The following SLC25A48 variants were observed in gnomAD, a reference collection of about 807,000 sequenced individuals.
SLC25A48 encodes solute carrier family 25 member 48, also known as CTC-321K16.1.
SLC25A48 carries 29 observed loss-of-function variants against 32.2 expected under a neutral mutation model. The ratio of observed to expected loss-of-function variants is 0.90; its 90% CI spans 0.67 to 1.23. The LOEUF (loss-of-function observed/expected upper bound fraction) is 1.23, where lower values mean the gene tolerates loss of function less well. Ranked by LOEUF, SLC25A48 falls within the 50% of genes most tolerant of loss-of-function variation. The probability of loss-of-function intolerance (pLI) is 0.00; values close to 1 mark genes in which losing one functional copy is unlikely to be tolerated. For synonymous variants in SLC25A48, 164 were observed against 172.3 expected, an observed-to-expected ratio of 0.95 and a Z score of 0.38; for missense variants, 399 against 422.7, an observed-to-expected ratio of 0.94 and a Z score of 0.49.
At chr5:135,787,876 G>A (rs1338067220) in intron 3 of SLC25A48, among the ~76,000 whole-genome samples, 2 of 151,744 alleles carry the variant, frequency 1.3e-5, no homozygotes, top group Non-Finnish European at 2.9e-5. Context: ...ATGTCACAAA[G>A]GGTGTACACC....
At position 135,880,270 on chromosome 5, in the gene SLC25A48, G is replaced by T. The variant is rs1173216893; in HGVS notation, c.*7+173G>T. On this transcript the variant is annotated intron_variant, in intron 7 of 7. Coordinates refer to ENST00000681962, the MANE Select transcript of SLC25A48 (RefSeq NM_001349336.2). Reference sequence around the variant, plus strand: ...CGTCACCAAACAGCAGTTCAGAAATGCCCACCAGTGACTGGTGGTGTGCTG... The same window carrying T: ...CGTCACCAAACAGCAGTTCAGAAATTCCCACCAGTGACTGGTGGTGTGCTG... The T allele has an allele frequency of 3.2e-6, 3 of 948,876 alleles. No homozygotes were observed. The East Asian group carries it at 8.0e-5, about 25-fold the overall frequency. The allele number at this position is 948,876 out of a possible 1,614,324, so 58.8% of individuals were successfully genotyped here. A position where few individuals can be genotyped will look rare whatever the true frequency, so the allele number is the denominator to read the frequency against.
At chr5:135,628,520 G>C (rs1752488651) in intron 1 of SLC25A48, among the ~76,000 whole-genome samples, 3 of 152,136 alleles carry the variant, frequency 2.0e-5, no homozygotes, top group Non-Finnish European at 4.4e-5. Context: ...TCAAGTTTGG[G>C]TTCCAGAGGT....
At chr5:135,800,225 G>A (rs1285282450) in intron 3 of SLC25A48, among the ~76,000 whole-genome samples, 2 of 151,618 alleles carry the variant, frequency 1.3e-5, no homozygotes, top group South Asian at 2.1e-4. Flanking sequence ...AGTACACCCC[G>A]CCCAGTGATA....
At chr5:135,827,098 T>C (rs1758079453) in intron 4 of SLC25A48, 1 of 152,262 alleles carries the variant, frequency 6.6e-6, no homozygotes, top group Non-Finnish European at 1.5e-5. Context: ...ACTGGGATTT[T>C]GAGAGTATAT....
At chr5:135,766,822 G>A (rs1180451876) in intron 3 of SLC25A48, among the ~76,000 whole-genome samples, 1 of 151,208 alleles carries the variant, frequency 6.6e-6, no homozygotes, top group Non-Finnish European at 1.5e-5. Context: ...TGCCGAAAGT[G>A]TACACCATCT....
intron 2 of SLC25A48, among the ~76,000 whole-genome samples, chr5:135,630,738 A>G (rs1752541315): frequency 6.6e-6 from 1 of 151,544 alleles, no homozygotes; most frequent in Non-Finnish European, 1.5e-5. Flanking sequence ...AGTAGCTGGG[A>G]TTACAGGTGC....
chr5:135,755,746 G>T (rs1217724717), intron 3 of SLC25A48, among the ~76,000 whole-genome samples: 1 of 150,684 alleles, frequency 6.6e-6, no homozygotes, highest in African/African-American at 2.4e-5. Context: ...ATATCGCTGT[G>T]ATATATATAT....
chr5:135,662,993 A>G (rs1753439698), intron 3 of SLC25A48, among the ~76,000 whole-genome samples: 1 of 152,072 alleles, frequency 6.6e-6, no homozygotes. Flanking sequence ...GAATGCTCAC[A>G]ATGTTCACTT....
At chr5:135,863,908 T>C (rs1760997228) in intron 4 of SLC25A48, among the ~76,000 whole-genome samples, 1 of 151,996 alleles carries the variant, frequency 6.6e-6, no homozygotes, top group Admixed American at 6.6e-5. Flanking sequence ...CATTTCCAAG[T>C]TGGGAGAGAA....
intron 4 of SLC25A48, among the ~76,000 whole-genome samples, chr5:135,814,453 C>A (rs1757667139): frequency 6.6e-6 from 1 of 152,208 alleles, no homozygotes; most frequent in South Asian, 2.1e-4. Flanking sequence ...GTCAAACATC[C>A]TGCCTGTGCT....
chr5:135,842,410 C>G lies in SLC25A48; in HGVS notation c.47-6C>G. On this transcript the variant is annotated splice_polypyrimidine_tract_variant and splice_region_variant and intron_variant, in intron 1 of 7. Transcript: ENST00000681962. ...GAGTTACTAGGCATTCTTTTTTGAT[C>G]CACAGGTGCAGCCAGTGTCATCGTT... 2 of 1,613,784 alleles carry G rather than the reference C, an allele frequency of 1.2e-6. No individual in the cohort carries two copies. Among genetic ancestry groups the G allele is most frequent in the African/African-American group, 2.7e-5 (2 of 75,010 alleles).
At chr5:135,760,703 G>A (rs1043784753) in intron 3 of SLC25A48, among the ~76,000 whole-genome samples, 3 of 152,116 alleles carry the variant, frequency 2.0e-5, no homozygotes, top group South Asian at 2.1e-4. Flanking sequence ...GCCGATTGTC[G>A]GCCACTTGGG....
chr5:135,844,207 G>A (rs2126710712), intron 2 of SLC25A48, among the ~76,000 whole-genome samples: 1 of 152,346 alleles, frequency 6.6e-6, no homozygotes, highest in African/African-American at 2.4e-5. Context: ...TCAGCACGGG[G>A]CTGGGCACAG....
At chr5:135,817,071 T>G (rs1174939498) in intron 4 of SLC25A48, among the ~76,000 whole-genome samples, 1 of 152,270 alleles carries the variant, frequency 6.6e-6, no homozygotes, top group Non-Finnish European at 1.5e-5. Flanking sequence ...CAGACTATCC[T>G]AGCTATCAAG....
At chr5:135,612,506 C>G (rs1752096574) in intron 1 of SLC25A48, among the ~76,000 whole-genome samples, 1 of 152,150 alleles carries the variant, frequency 6.6e-6, no homozygotes, top group Admixed American at 6.5e-5. Context: ...TCCCCATTGA[C>G]CCACCTCTTT....
intron 3 of SLC25A48, among the ~76,000 whole-genome samples, chr5:135,728,126 G>A (rs1755133025): frequency 2.0e-5 from 3 of 151,868 alleles, no homozygotes. Context: ...CATGGTGGTG[G>A]GCGCCTGTAG....
intron 4 of SLC25A48, among the ~76,000 whole-genome samples, chr5:135,858,846 G>T (rs1760548834): frequency 6.6e-6 from 1 of 152,196 alleles, no homozygotes; most frequent in South Asian, 2.1e-4. Flanking sequence ...TGGGTTCCAA[G>T]GGTTGGGTGT....
chr5:135,865,595 C>T (rs191824777), intron 4 of SLC25A48, among the ~76,000 whole-genome samples: 7 of 152,230 alleles, frequency 4.6e-5, no homozygotes, highest in African/African-American at 7.2e-5. Context: ...CTAAGTCAGG[C>T]GCTCCATTGT....
chr5:135,788,596 C>T (rs1410715037), intron 3 of SLC25A48, among the ~76,000 whole-genome samples: 1 of 147,678 alleles, frequency 6.8e-6, no homozygotes, highest in East Asian at 2.1e-4. Context: ...CACCCCCGCC[C>T]TATGCTTCGT....
Sources: gnomAD v4.1 joint callset for allele counts (sites outside exome capture counted in the v4.1 genomes callset) on GRCh38, gnomAD v4.1.1 for gene constraint, MANE v1.5 for transcripts, NCBI Gene and HGNC (gene_info 2026-07-23, HGNC 2026-07-21) for gene names.